Variants in UGT1A10 observed in about 807,000 individuals in gnomAD.
The protein encoded by UGT1A10 is UDP-glucuronosyltransferase 1A10.
A neutral mutation model predicts 45.8 loss-of-function variants in UGT1A10; 49 were observed. The observed-to-expected ratio is 1.07, with a 90% confidence interval of 0.85 to 1.36. The LOEUF is 1.36. Among genes scored for constraint, UGT1A10 ranks in the 40% most tolerant of loss-of-function variants. UGT1A10 has a pLI of 0.00. For synonymous variants in UGT1A10, 284 were observed against 249.7 expected (o/e 1.14, Z -1.29); for missense variants, 745 against 668.6 (o/e 1.11, Z -1.26).
intron 1 of UGT1A10, among the ~76,000 whole-genome samples, chr2:233,705,866 T>C (rs1328225080): frequency 6.6e-6 from 1 of 152,092 alleles, no homozygotes; most frequent in African/African-American, 2.4e-5. Flanking sequence ...GGCAGGCAGA[T>C]CACTTGAGGC....
At chr2:233,731,482 G>C (rs562723642) in intron 1 of UGT1A10, among the ~76,000 whole-genome samples, 2 of 152,088 alleles carry the variant, frequency 1.3e-5, no homozygotes, top group Non-Finnish European at 2.9e-5. Flanking sequence ...TCCCTGGCCT[G>C]TGTCCAGTGT....
At chr2:233,734,487 G>T (rs1258869591) in intron 1 of UGT1A10, among the ~76,000 whole-genome samples, 1 of 151,866 alleles carries the variant, frequency 6.6e-6, no homozygotes, top group East Asian at 1.9e-4. Flanking sequence ...TGATTTTTTT[G>T]AAGGTTTTTT....
At chr2:233,728,971 A>T (rs1249154361) in intron 1 of UGT1A10, 11 of 1,483,052 alleles carry the variant, frequency 7.4e-6, no homozygotes. Context: ...ACAGTGATAG[A>T]TTAATGGTTA....
chr2:233,754,256 G>T (rs1695431509), intron 1 of UGT1A10: 1 of 171,288 alleles, frequency 5.8e-6, no homozygotes, highest in Admixed American at 5.6e-5. Flanking sequence ...AACGGAAAAA[G>T]GTAAGGCTCA....
chr2:233,654,119 A>G (rs1326372393), intron 1 of UGT1A10, among the ~76,000 whole-genome samples: 1 of 152,246 alleles, frequency 6.6e-6, no homozygotes, highest in Non-Finnish European at 1.5e-5. Flanking sequence ...AAGATGAAAT[A>G]CATAGCATAG....
At position 233,764,985 on chromosome 2, in the gene UGT1A10, G is replaced by A. The variant is rs952012916; in HGVS notation, c.856-2049G>A. On this transcript the variant is annotated intron_variant, in intron 1 of 4. Coordinates refer to ENST00000344644, the MANE Select transcript of UGT1A10 (RefSeq NM_019075.4). ...TTGGGAGAAGGATGGTCAGTGTCTG[G>A]GGCTTTCCTGGTCATGTTCCAAATC... Among the ~76,000 whole-genome samples, 3 of 152,196 alleles carry A rather than the reference G, an allele frequency of 2.0e-5. No homozygotes were observed. In the South Asian group the frequency reaches 6.2e-4, roughly 32 times the overall value.
chr2:233,715,620 A>G (rs1253774011), intron 1 of UGT1A10, among the ~76,000 whole-genome samples: 1 of 151,982 alleles, frequency 6.6e-6, no homozygotes, highest in Non-Finnish European at 1.5e-5. Flanking sequence ...AAAAATTAAA[A>G]AATTATCCAG....
rs376278520 is a variant in UGT1A10, at chr2:233,729,272, G to A, written c.856-37762G>A. The A allele has an allele frequency of 1.9e-5, 30 of 1,614,080 alleles. No homozygotes were observed. The highest frequency in any genetic ancestry group is 9.3e-5 in the African/African-American group (7 of 74,926). ...TGGCTCAGCATGCGGGAGGTCTTGC[G>A]GGAGCTCCATGCCAGAGGCCACCAG... On this transcript the variant is annotated intron_variant, in intron 1 of 4. Coordinates refer to ENST00000344644, the MANE Select transcript of UGT1A10 (RefSeq NM_019075.4).
intron 1 of UGT1A10, among the ~76,000 whole-genome samples, chr2:233,660,904 C>G (rs1247069910): frequency 6.6e-6 from 1 of 152,062 alleles, no homozygotes; most frequent in Non-Finnish European, 1.5e-5. Flanking sequence ...AAAGTCAAAC[C>G]TCTTTCTAAA....
At chr2:233,729,642 T>C (rs1273465947) in intron 1 of UGT1A10, 5 of 1,613,940 alleles carry the variant, frequency 3.1e-6, no homozygotes, top group South Asian at 2.2e-5. Context: ...CTGTGTTTTT[T>C]TTGAGGAACA....
At chr2:233,736,291 G>A (rs1279591906) in intron 1 of UGT1A10, among the ~76,000 whole-genome samples, 1 of 151,976 alleles carries the variant, frequency 6.6e-6, no homozygotes, top group Admixed American at 6.6e-5. Flanking sequence ...CTTTCTTCCA[G>A]TTGCTCTAAT....
chr2:233,647,856 A>T (rs2073642416), intron 1 of UGT1A10: 1 of 1,305,334 alleles, frequency 7.7e-7, no homozygotes, highest in African/African-American at 1.5e-5. Context: ...GGTTTTCTCC[A>T]TTGTTTTTCT....
chr2:233,756,820 AG>A, intron 1 of UGT1A10, among the ~76,000 whole-genome samples: 1 of 152,190 alleles, frequency 6.6e-6, no homozygotes, highest in African/African-American at 2.4e-5. Context: ...CTCAATTCCA[AG>A]GGGAAAATGA....
At chr2:233,764,706 G>C (rs1698626413) in intron 1 of UGT1A10, among the ~76,000 whole-genome samples, 1 of 152,180 alleles carries the variant, frequency 6.6e-6, no homozygotes, top group Non-Finnish European at 1.5e-5. Context: ...AATGAGCTGT[G>C]TCTCCCCAAG....
chr2:233,692,830 A>T, intron 1 of UGT1A10: 1 of 1,442,932 alleles, frequency 6.9e-7, no homozygotes, highest in Non-Finnish European at 9.1e-7. Flanking sequence ...CCATGTGATT[A>T]AAATGGTTAA....
rs45449797 is a variant in UGT1A10 at position 233,730,263 on chromosome 2, G to T, written c.856-36771G>T. On this transcript the variant is annotated intron_variant, in intron 1 of 4. Coordinates refer to ENST00000344644, the MANE Select transcript of UGT1A10 (RefSeq NM_019075.4). ...ACTGGTGTGACTCATAGAGACTGTTGGTTTGTAAAGGCACCATCTTCATGG... is the reference window on the plus strand; with the variant it reads ...ACTGGTGTGACTCATAGAGACTGTTTGTTTGTAAAGGCACCATCTTCATGG... Among the ~76,000 whole-genome samples, 819 of 152,182 alleles carry T rather than the reference G, an allele frequency of 5.4e-3. 8 individuals carry two copies. The highest frequency in any genetic ancestry group is 0.019 in the African/African-American group (780 of 41,512).
chr2:233,747,678 C>T, intron 1 of UGT1A10: 3 of 1,607,090 alleles, frequency 1.9e-6, no homozygotes, highest in Admixed American at 1.7e-5. Context: ...CCCAATTTAC[C>T]TCTGTGGGGC....
rs369139290 is a variant in UGT1A10, at chr2:233,718,874, C to T, written c.856-48160C>T. On this transcript the variant is annotated intron_variant, in intron 1 of 4. Transcript: ENST00000344644. The stretch of plus-strand genomic sequence containing the variant: ...CGCGGCTGGCCACAGGACTGCTGCT[C>T]CTCCTCAGTGTCCAGCCCTGGGCTG... 2.2e-4 allele frequency: 356 copies of T among 1,613,870 alleles called. 2 individuals carry two copies. The highest frequency in any genetic ancestry group is 7.5e-4 in the Admixed American group (45 of 60,022).
chr2:233,713,194 A>G (rs1296719846), intron 1 of UGT1A10: 3 of 1,614,210 alleles, frequency 1.9e-6, no homozygotes, highest in South Asian at 1.1e-5. Flanking sequence ...GTGAATATGT[A>G]CATCAAAGAA....
Sources: allele counts gnomAD v4.1 joint callset (sites outside exome capture counted in the v4.1 genomes callset), GRCh38; gene constraint gnomAD v4.1.1; transcripts MANE v1.5; gene names NCBI Gene and HGNC (gene_info 2026-07-23, HGNC 2026-07-21).